Variants in MYO5B observed in about 807,000 individuals in gnomAD.
MYO5B encodes myosin VB, also known as unconventional myosin-Vb.
A neutral mutation model predicts 229.3 loss-of-function variants in MYO5B; 143 were observed. The observed-to-expected ratio is 0.62, with a 90% CI of 0.54 to 0.72. MYO5B has a LOEUF of 0.72. MYO5B is among the 30% of genes least tolerant of loss of function. MYO5B has a pLI of 0.00. For synonymous variants in MYO5B, 918 were observed against 885.2 expected (o/e 1.04, Z -0.66); for missense variants, 2,321 against 2,331.0 (o/e 1.00, Z 0.09).
chr18:50,059,500 A>G (rs2030635026), intron 1 of MYO5B, among the ~76,000 whole-genome samples: 1 of 152,238 alleles, frequency 6.6e-6, no homozygotes, highest in Non-Finnish European at 1.5e-5. Context: ...ATGATGTTGA[A>G]AAGGATTTTG....
At chr18:49,934,497 C>A (rs1485689496) in intron 16 of MYO5B, among the ~76,000 whole-genome samples, 1 of 152,226 alleles carries the variant, frequency 6.6e-6, no homozygotes, top group African/African-American at 2.4e-5. Flanking sequence ...TGTCCCACAG[C>A]AGGGACACGC....
chr18:50,126,011 G>A (rs569963434), intron 1 of MYO5B, among the ~76,000 whole-genome samples: 1 of 152,258 alleles, frequency 6.6e-6, no homozygotes, highest in South Asian at 2.1e-4. Context: ...AGGGGTTACT[G>A]TTTAATGGGT....
intron 14 of MYO5B, chr18:49,946,207 G>A (rs2025371449): frequency 1.3e-5 from 2 of 152,040 alleles, no homozygotes; most frequent in African/African-American, 4.8e-5. Flanking sequence ...GAGACCAGAA[G>A]TGTTTCAGAT....
rs574975326 is a variant in MYO5B at position 50,063,583 on chromosome 18, AAGC to A, written c.28-8208_28-8206del. ...AGCAACCTCGGGGGAGAGGAGAAAA[AAGC>A]AGAGAAGAAAGAGTCGCTCTGATGC... On this transcript the variant is annotated intron_variant, in intron 1 of 39. Coordinates refer to ENST00000285039, the MANE Select transcript of MYO5B (RefSeq NM_001080467.3). Among the ~76,000 whole-genome samples, 56 of 152,324 alleles carry A rather than the reference AAGC, an allele frequency of 3.7e-4. 1 individual carries two copies. The highest frequency in any genetic ancestry group is 3.3e-3 in the Admixed American group (51 of 15,296).
At chr18:50,109,277 G>A (rs1031594770) in intron 1 of MYO5B, among the ~76,000 whole-genome samples, 1 of 152,096 alleles carries the variant, frequency 6.6e-6, no homozygotes, top group Non-Finnish European at 1.5e-5. Flanking sequence ...GGACCAGCAG[G>A]AAAAACCATG....
chr18:50,101,571 C>T (rs115397735), intron 1 of MYO5B, among the ~76,000 whole-genome samples: 1,825 of 152,098 alleles, frequency 0.012, 30 homozygotes, highest in African/African-American at 0.042. Flanking sequence ...ACAACTCCAT[C>T]GAAAACTGGG....
At chr18:49,868,040 T>A (rs2024416782) in intron 27 of MYO5B, among the ~76,000 whole-genome samples, 1 of 152,084 alleles carries the variant, frequency 6.6e-6, no homozygotes, top group African/African-American at 2.4e-5. Flanking sequence ...TAATCAACCA[T>A]GGAAATCATG....
chr18:49,986,111 G>A (rs1193428002), intron 7 of MYO5B, among the ~76,000 whole-genome samples: 1 of 152,128 alleles, frequency 6.6e-6, no homozygotes, highest in Non-Finnish European at 1.5e-5. Flanking sequence ...ACAGCCCCTG[G>A]CCCTTTTGTG....
At chr18:50,053,529 T>C (rs574213409) in intron 2 of MYO5B, among the ~76,000 whole-genome samples, 30 of 152,300 alleles carry the variant, frequency 2.0e-4, no homozygotes, top group African/African-American at 6.7e-4. Context: ...ATTTCATTTT[T>C]TTTTCCTGGG....
At chr18:50,112,162 G>C (rs1232272285) in intron 1 of MYO5B, among the ~76,000 whole-genome samples, 1 of 152,160 alleles carries the variant, frequency 6.6e-6, no homozygotes, top group African/African-American at 2.4e-5. Flanking sequence ...AGAAGCAACA[G>C]GACAGAAACG....
intron 4 of MYO5B, among the ~76,000 whole-genome samples, chr18:50,018,890 G>A (rs578113262): frequency 6.6e-6 from 1 of 152,200 alleles, no homozygotes; most frequent in Non-Finnish European, 1.5e-5. Flanking sequence ...GAAGAAAAAA[G>A]AAAAGTAGCT....
chr18:49,957,610 T>C (rs939621786), intron 12 of MYO5B, among the ~76,000 whole-genome samples: 5 of 149,626 alleles, frequency 3.3e-5, no homozygotes, highest in Non-Finnish European at 7.4e-5. Flanking sequence ...ATGACACCAC[T>C]GTACTCCAGC....
At chr18:49,986,893 T>A (rs1432457799) in intron 7 of MYO5B, among the ~76,000 whole-genome samples, 1 of 152,218 alleles carries the variant, frequency 6.6e-6, no homozygotes, top group Non-Finnish European at 1.5e-5. Flanking sequence ...ATTCCATTAC[T>A]TGATTACCCT....
At chr18:49,835,459 T>C (rs1428332373) in intron 38 of MYO5B, 35 bp from the exon 39 acceptor site, 1 of 1,346,416 alleles carries the variant, frequency 7.4e-7, no homozygotes, top group Non-Finnish European at 1.1e-6. Flanking sequence ...AGCACAGAGC[T>C]AAATGAACAT....
At chr18:50,011,255 T>C (rs192593792) in intron 4 of MYO5B, among the ~76,000 whole-genome samples, 80 of 152,168 alleles carry the variant, frequency 5.3e-4, no homozygotes, top group African/African-American at 1.7e-3. Context: ...GGTGGGAGAA[T>C]GGTGTGAGCC....
intron 10 of MYO5B, among the ~76,000 whole-genome samples, chr18:49,973,810 T>A (rs1419410995): frequency 2.0e-5 from 3 of 152,162 alleles, no homozygotes. Flanking sequence ...TAAATAACAG[T>A]CCTTTCAATC....
intron 1 of MYO5B, among the ~76,000 whole-genome samples, chr18:50,091,399 T>C (rs538274859): frequency 6.6e-6 from 1 of 152,350 alleles, no homozygotes; most frequent in East Asian, 1.9e-4. Context: ...TATTCAAGCT[T>C]ATTTGCATAC....
intron 29 of MYO5B, among the ~76,000 whole-genome samples, chr18:49,857,775 C>T (rs2024280140): frequency 6.6e-6 from 1 of 152,208 alleles, no homozygotes; most frequent in Non-Finnish European, 1.5e-5. Flanking sequence ...TCCAATGTTC[C>T]ACCTCCACCT....
intron 17 of MYO5B, among the ~76,000 whole-genome samples, chr18:49,927,260 C>T (rs536796511): frequency 2.4e-4 from 36 of 151,850 alleles, no homozygotes; most frequent in South Asian, 1.7e-3. Context: ...TGCTCATGGA[C>T]GGGTAGAATC....
Sources: allele counts gnomAD v4.1 joint callset (sites outside exome capture counted in the v4.1 genomes callset), GRCh38; gene constraint gnomAD v4.1.1; transcripts MANE v1.5; gene names NCBI Gene and HGNC (gene_info 2026-07-23, HGNC 2026-07-21).